EXOC3L2: variants seen among roughly 807,000 people sequenced by gnomAD.
EXOC3L2 encodes exocyst complex component 3 like 2.
In EXOC3L2, 17 loss-of-function variants were observed where a neutral mutation model predicts 44.4. The ratio of observed to expected loss-of-function variants is 0.38; its 90% CI spans 0.26 to 0.57. The LOEUF (loss-of-function observed/expected upper bound fraction) is 0.57. EXOC3L2 is among the 20% of genes least tolerant of loss of function. The pLI is 0.65. For missense variants in EXOC3L2, 541 were observed against 588.4 expected, an observed-to-expected ratio of 0.92 and a Z score of 0.83; for synonymous variants, 256 against 253.7, an observed-to-expected ratio of 1.01 and a Z score of -0.09.
intron 1 of EXOC3L2, among the ~76,000 whole-genome samples, chr19:45,240,628 G>A (rs1464724784): frequency 2.0e-5 from 3 of 152,144 alleles, no homozygotes; most frequent in African/African-American, 7.2e-5. Context: ...AGGCGTGGTC[G>A]CTCATGCCTG....
At chr19:45,221,095 G>A (rs1479102020) in intron 8 of EXOC3L2, among the ~76,000 whole-genome samples, 4 of 152,092 alleles carry the variant, frequency 2.6e-5, no homozygotes, top group South Asian at 2.1e-4. Flanking sequence ...TGTGAAGTTC[G>A]GAGATATCCC....
rs142520719 is a variant in EXOC3L2, at chr19:45,226,396, G to A, written c.1583+1266C>T. Among the ~76,000 whole-genome samples the A allele has an allele frequency of 6.7e-3, 1,016 of 152,250 alleles. 15 individuals are homozygous for A. Among genetic ancestry groups the A allele is most frequent in the African/African-American group, 0.022 (905 of 41,556 alleles). ...GCAGGAGCATCACTTGAGCCTGGGA[G>A]TCCGAGACCAGCCTGGGCAACATAG... On this transcript the variant is annotated intron_variant, in intron 7 of 11. Transcript: ENST00000413988.
At chr19:45,226,476 AC>A (rs1679567379) in intron 7 of EXOC3L2, among the ~76,000 whole-genome samples, 1 of 151,572 alleles carries the variant, frequency 6.6e-6, no homozygotes, top group Non-Finnish European at 1.5e-5. Flanking sequence ...TCGCTCTGTC[AC>A]CCAGGCTGCA....
intron 2 of EXOC3L2, among the ~76,000 whole-genome samples, chr19:45,237,411 G>A (rs1188603332): frequency 6.6e-6 from 1 of 152,132 alleles, no homozygotes; most frequent in Non-Finnish European, 1.5e-5. Flanking sequence ...TAAGGTGGGA[G>A]GATTGCTTGA....
rs528652314 is a variant in EXOC3L2, at chr19:45,234,725, C to T, written c.625G>A (p.Ala209Thr). The part of the protein sequence containing the change: ...AEELAPSRGG[A>T]PGPPKAEGAG... ...CCCTCGGCCTTGGGAGGCCCAGGCG[C>T]GCCGCCCCTCGACGGCGCCAGCTCC... The change falls in exon 3 of 12, where the codon GCG becomes ACG. Residue 209 changes from alanine to threonine, a missense_variant. By Grantham distance (58) the Ala-to-Thr change is moderately conservative. Transcript: ENST00000413988. The surrounding 1 kb of genome is among the most constrained non-coding windows in gnomAD (Gnocchi z 5.0). The T allele has an allele frequency of 5.8e-3, 2,264 of 392,936 alleles. 46 individuals carry two copies. The highest frequency in any genetic ancestry group is 0.043 in the African/African-American group (2,102 of 48,380). 24.3% of individuals were successfully genotyped at this position (392,936 alleles called of 1,614,324 possible).
Position 45,238,602 on chromosome 19 carries a change from T to A in EXOC3L2, c.444A>T (p.Arg148Ser). 2.5e-6 allele frequency: 1 copy of A among 399,406 alleles called. No individual in the cohort carries two copies. Among genetic ancestry groups the A allele is most frequent in the Non-Finnish European group, 4.4e-6 (1 of 226,246 alleles). The allele number at this position is 399,406 out of a possible 1,614,324, so 24.7% of individuals were successfully genotyped here. Reference protein sequence around the residue: ...SKPQRASLAERVVPAGEAAPE... With the variant: ...SKPQRASLAESVVPAGEAAPE... The stretch of plus-strand genomic sequence containing the variant: ...GAGCTGCCTCGCCTGCAGGCACCAC[T>A]CTCTCAGCCAGGGACGCACGCTGGG... Residue 148 changes from arginine to serine, a missense_variant, in exon 2 of 12, where the codon AGA (arginine) becomes AGT (serine). Transcript: ENST00000413988. The surrounding 1 kb of genome is among the most constrained non-coding windows in gnomAD (Gnocchi z 5.5).
rs1280594564 is a variant in EXOC3L2, at chr19:45,234,679, G to C, written c.671C>G (p.Ala224Gly). The C allele has an allele frequency of 2.6e-6, 1 of 380,708 alleles. No homozygotes were observed. The highest frequency in any genetic ancestry group is 3.8e-5 in the East Asian group (1 of 26,660). 23.6% of individuals were successfully genotyped at this position (380,708 alleles called of 1,614,324 possible). ...KAEGAGGGRR[A>G]RDVALLYEAL... ...CTCGTACAGCAGCGCCACGTCCCGC[G>C]CCCGGCGGCCCCCGCCAGCGCCCTC... The change falls in exon 3 of 12, where the codon GCG becomes GGG. Residue 224 changes from alanine to glycine, a missense_variant. Transcript: ENST00000413988. This position sits in a 1 kb window ranked among gnomAD's most constrained non-coding sequence, Gnocchi z 5.0.
intron 10 of EXOC3L2, among the ~76,000 whole-genome samples, 188 bp downstream of exon 10, chr19:45,217,340 G>A (rs1969846019): frequency 6.6e-6 from 1 of 152,214 alleles, no homozygotes; most frequent in Non-Finnish European, 1.5e-5. Flanking sequence ...AGTTCTCAGA[G>A]CAAGAAAGCC....
chr19:45,217,029 T>G (rs1487501980), intron 10 of EXOC3L2: 2 of 152,176 alleles, frequency 1.3e-5, no homozygotes, highest in Non-Finnish European at 2.9e-5. Context: ...GTCTTTTTTT[T>G]CTTTTTTTTT....
chr19:45,213,427 A>G, intron 11 of EXOC3L2, 70 bp from the exon 12 acceptor site: 1 of 1,555,302 alleles, frequency 6.4e-7, no homozygotes. Flanking sequence ...CCAGCCGTGG[A>G]CCCCACCTGA....
chr19:45,213,908 C>T (rs978828171), intron 11 of EXOC3L2, among the ~76,000 whole-genome samples: 4 of 151,988 alleles, frequency 2.6e-5, no homozygotes, highest in East Asian at 1.9e-4. Context: ...GAGCTGAGAT[C>T]GCGCCACTGC....
At chr19:45,235,431 C>T (rs1970074561) in intron 2 of EXOC3L2, among the ~76,000 whole-genome samples, 1 of 151,442 alleles carries the variant, frequency 6.6e-6, no homozygotes, top group South Asian at 2.1e-4. Flanking sequence ...AGAGGAGCCA[C>T]GTAAGGGGGA....
At chr19:45,217,965 G>A (rs1028293291) in intron 9 of EXOC3L2, among the ~76,000 whole-genome samples, 6 of 151,940 alleles carry the variant, frequency 3.9e-5, no homozygotes, top group African/African-American at 1.5e-4. Context: ...CCCTGACTCA[G>A]TCTGCACCCC....
rs1214034025 is a variant in EXOC3L2, at chr19:45,213,003, G to A, written c.*66C>T. On this transcript the variant is annotated 3_prime_UTR_variant, in exon 12 of 12. Transcript: ENST00000413988. ...TCCCAGGCAGGGAGTCAGGAGGGGCGCCGTACGGGAGGTTGGCTTGTCAGC... is the reference window on the plus strand; with the variant it reads ...TCCCAGGCAGGGAGTCAGGAGGGGCACCGTACGGGAGGTTGGCTTGTCAGC... 15 of 1,406,854 alleles carry A rather than the reference G, an allele frequency of 1.1e-5. No individual in the cohort carries two copies. The highest frequency in any genetic ancestry group is 5.4e-5 in the East Asian group (2 of 37,008). 87.1% of individuals were successfully genotyped at this position (1,406,854 alleles called of 1,614,324 possible).
intron 8 of EXOC3L2, among the ~76,000 whole-genome samples, chr19:45,218,768 G>A (rs1969866330): frequency 6.6e-6 from 1 of 152,074 alleles, no homozygotes. Flanking sequence ...CAGCGAAAAG[G>A]TCAGTGTGGT....
rs1306529857 is a variant in EXOC3L2 at position 45,213,231 on chromosome 19, G to C, written c.2247C>G (p.Asp749Glu). Residue 749 changes from aspartate (D) to glutamate (E), a missense_variant, in exon 12 of 12, where the codon GAC becomes GAG. Transcript: ENST00000413988. ...CAGGGATGTCTGCAAAGAAGGCACG[G>C]TCCCGAGGGGGTGACAGGGCTCCCT... is the stretch of plus-strand genomic sequence containing the variant. ...SEEGALSPPR[D>E]RAFFADIPVP... 10 of 1,612,822 alleles carry C rather than the reference G, an allele frequency of 6.2e-6. No individual in the cohort carries two copies. The highest frequency in any genetic ancestry group is 8.5e-6 in the Non-Finnish European group (10 of 1,179,394).
At chr19:45,241,527 C>T (rs117255977) in intron 1 of EXOC3L2, among the ~76,000 whole-genome samples, 1,776 of 151,966 alleles carry the variant, frequency 0.012, 15 homozygotes, top group Middle Eastern at 0.017. Context: ...TGCTCTTCTC[C>T]ATCTCCTAAG....
At position 45,238,407 on chromosome 19, in the gene EXOC3L2, C is replaced by CG. The variant is rs1480993678; in HGVS notation, c.523+115dup. ...TGAGTTAGACATGTGAATTGCAGGTCGGGGTCACAGGTGGTAGCTGGGATG... is the reference window on the plus strand; with the variant it reads ...TGAGTTAGACATGTGAATTGCAGGTCGGGGGTCACAGGTGGTAGCTGGGATG... On this transcript the variant is annotated intron_variant, in intron 2 of 11. Transcript: ENST00000413988. The surrounding 1 kb of genome is among the most constrained non-coding windows in gnomAD (Gnocchi z 5.5). 1 of 398,906 alleles carries CG rather than the reference C, an allele frequency of 2.5e-6. No homozygotes were observed. Among genetic ancestry groups the CG allele is most frequent in the Non-Finnish European group, 4.4e-6 (1 of 226,144 alleles). The allele number at this position is 398,906 out of a possible 1,614,324, so 24.7% of individuals were successfully genotyped here. A position where few individuals can be genotyped will look rare whatever the true frequency, so the allele number is the denominator to read the frequency against.
Position 45,228,187 on chromosome 19 carries a change from C to A in EXOC3L2, c.1349G>T (p.Ser450Ile). The change falls in exon 5 of 12, where the codon AGC becomes ATC. Residue 450 changes from serine to isoleucine, a missense_variant. Physicochemically the swap from Ser to Ile is moderately radical, Grantham distance 142. Transcript: ENST00000413988. ...TACCTCACACACATCCTGGGCCAGG[C>A]TGCTGGGCTGGTCCTCCAGGCTCCC... ...HWGSLEDQPS[S>I]LAQDVCELLE... is the part of the protein sequence containing the mutation. 6.2e-7 allele frequency: 1 copy of A among 1,614,154 alleles called. No individual in the cohort carries two copies. Among genetic ancestry groups the A allele is most frequent in the Non-Finnish European group, 8.5e-7 (1 of 1,180,018 alleles).
Sources: allele counts gnomAD v4.1 joint callset (sites outside exome capture counted in the v4.1 genomes callset), GRCh38; gene constraint gnomAD v4.1.1; non-coding constraint Gnocchi (gnomAD v3.1); transcripts MANE v1.5; gene names NCBI Gene and HGNC (gene_info 2026-07-23, HGNC 2026-07-21).